Variants in MYL10 observed in about 807,000 individuals in gnomAD.
MYL10 encodes myosin light chain 10, also known as myosin regulatory light chain 10.
Under a neutral mutation model 21.9 loss-of-function variants are expected in MYL10, and 18 were observed. The ratio of observed to expected loss-of-function variants is 0.82; its 90% CI spans 0.57 to 1.22. MYL10 has a LOEUF of 1.22. Among genes scored for constraint, MYL10 ranks in the 50% most tolerant of loss-of-function variants. The pLI is 0.00. For synonymous variants in MYL10, 88 were observed against 82.8 expected, an observed-to-expected ratio of 1.06 and a Z score of -0.34; for missense variants, 225 against 230.4, an observed-to-expected ratio of 0.98 and a Z score of 0.15.
At chr7:101,617,006 C>T (rs1341367051) in intron 5 of MYL10, among the ~76,000 whole-genome samples, 2 of 152,240 alleles carry the variant, frequency 1.3e-5, no homozygotes, top group African/African-American at 4.8e-5. Flanking sequence ...GTGCAGCCCC[C>T]ACATTGCACC....
intron 6 of MYL10, among the ~76,000 whole-genome samples, chr7:101,614,940 G>A (rs1288641869): frequency 6.6e-6 from 1 of 152,156 alleles, no homozygotes; most frequent in African/African-American, 2.4e-5. Context: ...CCACCCTCAG[G>A]TCCAGCAAGG....
intron 6 of MYL10, 119 bp downstream of exon 6, chr7:101,616,101 G>A: frequency 1.3e-6 from 1 of 748,606 alleles, no homozygotes. Context: ...CACTGGGCTG[G>A]GCAGCGGCCC....
intron 3 of MYL10, 64 bp from the exon 4 acceptor site, chr7:101,623,136 A>T (rs1278522389): frequency 6.7e-7 from 1 of 1,494,520 alleles, no homozygotes; most frequent in Non-Finnish European, 9.2e-7. Flanking sequence ...TCCCCCAGGG[A>T]CCGTCCTCCT....
chr7:101,617,425 T>C (rs7803381), intron 5 of MYL10, among the ~76,000 whole-genome samples: 148,926 of 152,344 alleles, frequency 0.98, 72,809 homozygotes, highest in East Asian at 1. Context: ...GGCTCAGAGA[T>C]GTTTCATTAC....
At chr7:101,624,516 G>A (rs1160560682) in intron 1 of MYL10, among the ~76,000 whole-genome samples, 1 of 152,210 alleles carries the variant, frequency 6.6e-6, no homozygotes, top group Non-Finnish European at 1.5e-5. Flanking sequence ...TGTCCCCCGG[G>A]CTCCGGAAGG....
At chr7:101,620,051 A>G (rs1796658861) in intron 5 of MYL10, among the ~76,000 whole-genome samples, 1 of 151,882 alleles carries the variant, frequency 6.6e-6, no homozygotes, top group Admixed American at 6.6e-5. Context: ...TCCAGGCGCG[A>G]GGGCTCATGC....
intron 5 of MYL10, among the ~76,000 whole-genome samples, chr7:101,618,792 C>T (rs1353069754): frequency 1.3e-5 from 2 of 152,074 alleles, no homozygotes; most frequent in African/African-American, 2.4e-5. Context: ...CCAGTCCCGG[C>T]GCCCCTGCAA....
chr7:101,613,728 A>C lies in MYL10; in HGVS notation c.534-18T>G, dbSNP rs1796577292. ...CTTTGATGCTGTTCAAGGGAGAGAC[A>C]CAGTCATGTTCAGGGAACGGGATAC... is the stretch of plus-strand genomic sequence containing the variant. On this transcript the variant is annotated intron_variant, in intron 6 of 7. Transcript: ENST00000223167. 6.2e-7 allele frequency: 1 copy of C among 1,613,716 alleles called. No individual in the cohort carries two copies.
chr7:101,628,829 T>C (rs1221740148), intron 1 of MYL10, among the ~76,000 whole-genome samples: 1 of 152,176 alleles, frequency 6.6e-6, no homozygotes, highest in East Asian at 1.9e-4. Flanking sequence ...GTACAGCTGA[T>C]CCCCTGCCTT....
intron 1 of MYL10, 138 bp from the exon 2 acceptor site, chr7:101,624,402 G>A: frequency 3.3e-6 from 2 of 615,052 alleles, no homozygotes; most frequent in Non-Finnish European, 5.7e-6. Context: ...GACAGACAAG[G>A]CTACCCCTGA....
At chr7:101,621,813 T>C (rs1456628998) in intron 5 of MYL10, among the ~76,000 whole-genome samples, 1 of 152,122 alleles carries the variant, frequency 6.6e-6, no homozygotes, top group Non-Finnish European at 1.5e-5. Context: ...CTCAAACTCC[T>C]GGACTCAAGC....
chr7:101,619,211 C>T (rs1217328975), intron 5 of MYL10, among the ~76,000 whole-genome samples: 2 of 152,246 alleles, frequency 1.3e-5, no homozygotes, highest in Non-Finnish European at 2.9e-5. Flanking sequence ...TGGAGTCACA[C>T]ATGTCTTTTC....
intron 5 of MYL10, among the ~76,000 whole-genome samples, chr7:101,618,944 C>T (rs536327163): frequency 3.6e-4 from 55 of 152,300 alleles, no homozygotes; most frequent in African/African-American, 1.2e-3. Context: ...CTGACAGAGT[C>T]CCCTCCCCTT....
chr7:101,621,677 C>T (rs939242522), intron 5 of MYL10, among the ~76,000 whole-genome samples: 9 of 152,066 alleles, frequency 5.9e-5, no homozygotes, highest in African/African-American at 2.2e-4. Context: ...CAACCTTCAC[C>T]TCCCAGGCTC....
At chr7:101,628,942 C>T (rs1796776840) in intron 1 of MYL10, 99 bp downstream of exon 1, 1 of 422,924 alleles carries the variant, frequency 2.4e-6, no homozygotes, top group Admixed American at 2.9e-5. Flanking sequence ...CAATCCATAT[C>T]CCATTTTCCA....
chr7:101,621,082 C>A (rs1355637345), intron 5 of MYL10, among the ~76,000 whole-genome samples: 2 of 152,076 alleles, frequency 1.3e-5, no homozygotes, highest in African/African-American at 4.8e-5. Context: ...AGCCACCGTG[C>A]CCGGCCTTGG....
At chr7:101,614,628 G>A (rs1796587466) in intron 6 of MYL10, among the ~76,000 whole-genome samples, 1 of 152,154 alleles carries the variant, frequency 6.6e-6, no homozygotes, top group African/African-American at 2.4e-5. Flanking sequence ...GCCTCCCCAG[G>A]TCCCCAGGAT....
At chr7:101,614,882 A>G (rs1446188377) in intron 6 of MYL10, among the ~76,000 whole-genome samples, 1 of 152,094 alleles carries the variant, frequency 6.6e-6, no homozygotes, top group Non-Finnish European at 1.5e-5. Flanking sequence ...GCATTACAGT[A>G]ATTGATCAGG....
chr7:101,620,795 CT>C (rs1158170322), intron 5 of MYL10, among the ~76,000 whole-genome samples: 20 of 95,086 alleles, frequency 2.1e-4, no homozygotes, highest in Non-Finnish European at 3.1e-4. Flanking sequence ...TTTTTTTTTT[CT>C]TTTTTTTTTT....
Sources: gnomAD v4.1 joint callset for allele counts (sites outside exome capture counted in the v4.1 genomes callset) on GRCh38, gnomAD v4.1.1 for gene constraint, MANE v1.5 for transcripts, NCBI Gene and HGNC (gene_info 2026-07-23, HGNC 2026-07-21) for gene names.